Variants in EBAG9 observed in about 807,000 individuals in gnomAD.
EBAG9 encodes the protein estrogen receptor binding site associated antigen 9.
A neutral mutation model predicts 30.9 loss-of-function variants in EBAG9; 16 were observed. That is an observed-to-expected ratio of 0.52 (90% CI 0.35 to 0.79). The LOEUF (loss-of-function observed/expected upper bound fraction) is 0.79. Ranked by LOEUF, EBAG9 falls within the 30% of genes least tolerant of loss-of-function variation. The pLI, the probability that EBAG9 is intolerant of heterozygous loss-of-function variation, is 0.01. For missense variants in EBAG9, 197 were observed against 242.1 expected (o/e 0.81, Z 1.24); for synonymous variants, 93 against 82.8 (o/e 1.12, Z -0.67).
intron 4 of EBAG9, among the ~76,000 whole-genome samples, chr8:109,556,043 G>T (rs749762682): frequency 6.6e-6 from 1 of 152,042 alleles, no homozygotes; most frequent in Non-Finnish European, 1.5e-5. Context: ...TATGGTAAAT[G>T]AAGATTTATT....
At chr8:109,553,151 A>G (rs1821527731) in intron 2 of EBAG9, among the ~76,000 whole-genome samples, 1 of 152,018 alleles carries the variant, frequency 6.6e-6, no homozygotes, top group Non-Finnish European at 1.5e-5. Context: ...TGTGCTATGT[A>G]GCAGGCACAC....
rs557388998 is a variant in EBAG9 at position 109,543,135 on chromosome 8, CTTTTTTTTT to C, written c.-16+2697_-16+2705del. Reference sequence around the variant, plus strand: ...GAGTACAATTTTTAATATTCTGGTTCTTTTTTTTTTTTTTTTTTTTTTTTTTTTTTTAAC... The same window carrying C: ...GAGTACAATTTTTAATATTCTGGTTCTTTTTTTTTTTTTTTTTTTTTTAAC... On this transcript the variant is annotated intron_variant, in intron 1 of 6. Transcript: ENST00000337573. Among the ~76,000 whole-genome samples the C allele has an allele frequency of 2.1e-3, 113 of 52,880 alleles. 2 individuals carry two copies. The highest frequency in any genetic ancestry group is 3.6e-3 in the Non-Finnish European group (72 of 19,742). The allele number at this position is 52,880 out of a possible 152,430, so 34.7% of individuals were successfully genotyped here.
At chr8:109,549,710 T>A (rs1002575652) in intron 1 of EBAG9, among the ~76,000 whole-genome samples, 1 of 152,092 alleles carries the variant, frequency 6.6e-6, no homozygotes, top group Non-Finnish European at 1.5e-5. Flanking sequence ...AACAATGTTA[T>A]CTGTCTTGTT....
chr8:109,563,018 C>T (rs1174321342), intron 6 of EBAG9, among the ~76,000 whole-genome samples: 1 of 151,948 alleles, frequency 6.6e-6, no homozygotes, highest in East Asian at 1.9e-4. Context: ...TTTTTCTCTA[C>T]CTCCCTTTTT....
intron 6 of EBAG9, among the ~76,000 whole-genome samples, 199 bp from the exon 7 acceptor site, chr8:109,564,240 A>G (rs1206287738): frequency 6.6e-6 from 1 of 152,070 alleles, no homozygotes; most frequent in Non-Finnish European, 1.5e-5. Flanking sequence ...TATTTCTTCT[A>G]TTTCACAAGT....
Position 109,540,294 on chromosome 8 carries a change from C to T in EBAG9, c.-183C>T, listed in dbSNP as rs1273119728. Reference sequence around the variant, plus strand: ...AGGGAAATTTGCGTGACCTTACTGCCCTCCGTCTACAGGCCTTGTACCTCT... The same window carrying T: ...AGGGAAATTTGCGTGACCTTACTGCTCTCCGTCTACAGGCCTTGTACCTCT... On this transcript the variant is annotated 5_prime_UTR_variant, in exon 1 of 7. Coordinates refer to ENST00000337573, the MANE Select transcript of EBAG9 (RefSeq NM_004215.5). The T allele has an allele frequency of 6.6e-6, 1 of 152,404 alleles. No homozygotes were observed. Among genetic ancestry groups the T allele is most frequent in the African/African-American group, 2.4e-5 (1 of 41,456 alleles). The allele number at this position is 152,404 out of a possible 1,614,324, so 9.4% of individuals were successfully genotyped here. A position where few individuals can be genotyped will look rare whatever the true frequency, so the allele number is the denominator to read the frequency against.
At chr8:109,561,757 T>C (rs954023415) in intron 6 of EBAG9, among the ~76,000 whole-genome samples, 16 of 152,074 alleles carry the variant, frequency 1.1e-4, no homozygotes, top group African/African-American at 3.9e-4. Context: ...AAAACTGATT[T>C]CATTTTTGTA....
intron 5 of EBAG9, among the ~76,000 whole-genome samples, chr8:109,560,457 G>T (rs1821687818): frequency 6.6e-6 from 1 of 152,196 alleles, no homozygotes; most frequent in African/African-American, 2.4e-5. Context: ...TTCTAATTCA[G>T]TCTGGGATCA....
At position 109,554,740 on chromosome 8, in the gene EBAG9, A is replaced by G. The variant is rs774057854; in HGVS notation, c.174A>G (p.Glu58=). 1.2e-4 allele frequency: 190 copies of G among 1,613,106 alleles called. 1 individual carries two copies. The highest frequency in any genetic ancestry group is 1.6e-4 in the Non-Finnish European group (185 of 1,179,514). Residue 58 remains glutamate, a synonymous_variant, in exon 4 of 7, where the codon GAA becomes GAG. Transcript: ENST00000337573. ...TCAATTAAATTTAGACAGATGTTGA[A>G]GAGTGGACTTCCTGGGATGAAGATG... ...YSSVPKQTDV[E]EWTSWDEDAP...
chr8:109,548,148 A>G (rs1309863459), intron 1 of EBAG9, among the ~76,000 whole-genome samples: 2 of 151,896 alleles, frequency 1.3e-5, no homozygotes, highest in East Asian at 3.9e-4. Flanking sequence ...TCTATTTTTA[A>G]TTACTTTTAA....
At chr8:109,562,662 C>T (rs1439606066) in intron 6 of EBAG9, among the ~76,000 whole-genome samples, 1 of 151,626 alleles carries the variant, frequency 6.6e-6, no homozygotes, top group Non-Finnish European at 1.5e-5. Flanking sequence ...CTGCAGCTAT[C>T]TCGTAAGTTG....
intron 6 of EBAG9, chr8:109,563,338 G>C: frequency 6.4e-7 from 1 of 1,573,598 alleles, no homozygotes; most frequent in Admixed American, 1.7e-5. Context: ...ATTGTGACCT[G>C]TAGCTTCCTT....
At chr8:109,559,740 G>A (rs758811773) in intron 5 of EBAG9, among the ~76,000 whole-genome samples, 1 of 151,870 alleles carries the variant, frequency 6.6e-6, no homozygotes, top group African/African-American at 2.4e-5. Flanking sequence ...CCTTGAGCCC[G>A]GGAGTTTGAA....
chr8:109,564,706 C>A lies in EBAG9; in HGVS notation c.*147C>A. On this transcript the variant is annotated 3_prime_UTR_variant, in exon 7 of 7. Coordinates refer to ENST00000337573, the MANE Select transcript of EBAG9 (RefSeq NM_004215.5). Reference sequence around the variant, plus strand: ...GCCATCCAGGACACCACGATTCTCCCAAAGTACCTTGAACTCTTAGTGATT... The same window carrying A: ...GCCATCCAGGACACCACGATTCTCCAAAAGTACCTTGAACTCTTAGTGATT... The A allele has an allele frequency of 8.7e-7, 1 of 1,147,560 alleles. No individual in the cohort carries two copies. The highest frequency in any genetic ancestry group is 1.2e-6 in the Non-Finnish European group (1 of 827,670). 71.1% of individuals were successfully genotyped at this position (1,147,560 alleles called of 1,614,324 possible).
At chr8:109,553,572 A>G (rs1821535906) in intron 2 of EBAG9, among the ~76,000 whole-genome samples, 1 of 152,104 alleles carries the variant, frequency 6.6e-6, no homozygotes, top group East Asian at 1.9e-4. Flanking sequence ...ATGCTCTGAA[A>G]CCGTCTTGCA....
chr8:109,553,793 C>T, intron 2 of EBAG9, 72 bp from the exon 3 acceptor site: 1 of 1,145,530 alleles, frequency 8.7e-7, no homozygotes, highest in South Asian at 1.5e-5. Flanking sequence ...CCTTCAATTA[C>T]CATACATAAT....
chr8:109,559,447 G>C (rs1821668576), intron 5 of EBAG9, among the ~76,000 whole-genome samples: 1 of 152,104 alleles, frequency 6.6e-6, no homozygotes, highest in Non-Finnish European at 1.5e-5. Flanking sequence ...GACAGAGTGA[G>C]ACCTTGTCTC....
At chr8:109,545,266 G>A (rs1003642583) in intron 1 of EBAG9, among the ~76,000 whole-genome samples, 1 of 142,214 alleles carries the variant, frequency 7.0e-6, no homozygotes, top group African/African-American at 2.7e-5. Flanking sequence ...AAGTTGCGGT[G>A]AGCTGAGATT....
In EBAG9 at chr8:109,540,379, T is replaced by TA. The variant is rs1290140571; in HGVS notation, c.-97dup. ...CACCTGGTATCCAGCTCCAGCAACTTAGAGCGTTTCACGTCACGCCGGGCG... is the reference window on the plus strand; with the variant it reads ...CACCTGGTATCCAGCTCCAGCAACTTAAGAGCGTTTCACGTCACGCCGGGCG... On this transcript the variant is annotated 5_prime_UTR_variant, in exon 1 of 7. The change abolishes the stop of an existing upstream ORF in the 5' untranslated region. Transcript: ENST00000337573. 1.3e-5 allele frequency: 2 copies of TA among 152,218 alleles called. No individual in the cohort carries two copies. The highest frequency in any genetic ancestry group is 4.8e-5 in the African/African-American group (2 of 41,430). 9.4% of individuals were successfully genotyped at this position (152,218 alleles called of 1,614,324 possible). A position where few individuals can be genotyped will look rare whatever the true frequency, so the allele number is the denominator to read the frequency against.
Sources: gnomAD v4.1 joint callset for allele counts (sites outside exome capture counted in the v4.1 genomes callset) on GRCh38, gnomAD v4.1.1 for gene constraint, MANE v1.5 for transcripts, NCBI Gene and HGNC (gene_info 2026-07-23, HGNC 2026-07-21) for gene names.